Variants in PPM1B observed in about 807,000 individuals in gnomAD.
PPM1B encodes the protein protein phosphatase 1B.
Under a neutral mutation model 43.0 loss-of-function variants are expected in PPM1B, and 22 were observed. The ratio of observed to expected loss-of-function variants is 0.51; its 90% confidence interval spans 0.37 to 0.73. PPM1B has a LOEUF of 0.73. Ranked by LOEUF, PPM1B falls within the 30% of genes least tolerant of loss-of-function variation. The pLI is 0.00. For synonymous variants in PPM1B, 217 were observed against 197.9 expected (o/e 1.10, Z -0.81); for missense variants, 632 against 584.2 (o/e 1.08, Z -0.84).
At chr2:44,180,138 G>A (rs905514256) in intron 1 of PPM1B, among the ~76,000 whole-genome samples, 1 of 152,110 alleles carries the variant, frequency 6.6e-6, no homozygotes, top group African/African-American at 2.4e-5. Flanking sequence ...GTAGGAACAA[G>A]GCAATTGCTT....
chr2:44,210,266 G>T (rs889790969), intron 3 of PPM1B, among the ~76,000 whole-genome samples: 1 of 149,704 alleles, frequency 6.7e-6, no homozygotes, highest in African/African-American at 2.5e-5. Flanking sequence ...GCCTAGGCTG[G>T]AGTACAGTGG....
chr2:44,243,106 A>G (rs920030500), intron 5 of PPM1B, among the ~76,000 whole-genome samples: 4 of 152,196 alleles, frequency 2.6e-5, no homozygotes, highest in Non-Finnish European at 1.5e-5. Context: ...TTCTTACACA[A>G]TAACTTTTTG....
At chr2:44,209,508 G>T (rs553824115) in intron 3 of PPM1B, 181 bp downstream of exon 3, 4 of 659,754 alleles carry the variant, frequency 6.1e-6, no homozygotes, top group African/African-American at 5.5e-5. Flanking sequence ...CTGGTCAGGC[G>T]CAGTGGCTCA....
chr2:44,203,308 A>G (rs1202990270), intron 2 of PPM1B, among the ~76,000 whole-genome samples: 2 of 152,092 alleles, frequency 1.3e-5, no homozygotes, highest in African/African-American at 2.4e-5. Context: ...GAGTTAAGTA[A>G]AGAAGTATTG....
intron 2 of PPM1B, among the ~76,000 whole-genome samples, chr2:44,203,523 A>C (rs938456424): frequency 1.3e-5 from 2 of 152,162 alleles, no homozygotes; most frequent in African/African-American, 4.8e-5. Flanking sequence ...GATGATGAAG[A>C]AAATATAGAG....
rs573078275 is a variant in PPM1B, at chr2:44,241,752, A to C, written n.1547-2476A>C. 1.0e-3 allele frequency among the ~76,000 whole-genome samples: 155 copies of C among 152,126 alleles called. 1 individual carries two copies. Among genetic ancestry groups the C allele is most frequent in the Middle Eastern group, 6.8e-3 (2 of 294 alleles). ...GTCTCAAAACATAAAATGTCTTCAA[A>C]ATGATTATATTATGATTTGGCATAT... On this transcript the variant is annotated intron_variant and non_coding_transcript_variant, in intron 5 of 5. Coordinates refer to the PPM1B transcript ENST00000378540.
Position 44,201,445 on chromosome 2 carries a change from C to A in PPM1B, c.246C>A (p.Asn82Lys), listed in dbSNP as rs563276652. The A allele has an allele frequency of 6.2e-7, 1 of 1,614,118 alleles. No individual in the cohort carries two copies. Among genetic ancestry groups the A allele is most frequent in the Non-Finnish European group, 8.5e-7 (1 of 1,180,024 alleles). The change falls in exon 2 of 6, where the codon AAC becomes AAA. Residue 82 changes from asparagine (N) to lysine (K), a missense_variant. By Grantham distance (94) the Asn-to-Lys change is moderately conservative. Coordinates refer to ENST00000282412, the MANE Select transcript of PPM1B (RefSeq NM_002706.6). The surrounding 1 kb of genome is among the most constrained non-coding windows in gnomAD (Gnocchi z 5.4). ...STHLLEHITT[N>K]EDFRAAGKSG... Reference sequence around the variant, plus strand: ...ATTTATTAGAACACATCACTACTAACGAAGACTTTAGGGCAGCTGGAAAAT... The same window carrying A: ...ATTTATTAGAACACATCACTACTAAAGAAGACTTTAGGGCAGCTGGAAAAT...
chr2:44,231,437 T>G lies in PPM1B; in HGVS notation c.*719T>G. The G allele has an allele frequency of 1.0e-6, 1 of 975,646 alleles. No homozygotes were observed. The highest frequency in any genetic ancestry group is 1.2e-6 in the Non-Finnish European group (1 of 821,008). The allele number at this position is 975,646 out of a possible 1,614,324, so 60.4% of individuals were successfully genotyped here. A position where few individuals can be genotyped will look rare whatever the true frequency, so the allele number is the denominator to read the frequency against. ...TGTTTAGAATGAAATTATAAGTGTT[T>G]AAGTCCAAATAAAGCATGTGATGTG... is the stretch of plus-strand genomic sequence containing the variant. On this transcript the variant is annotated 3_prime_UTR_variant, in exon 6 of 6. Coordinates refer to ENST00000282412, the MANE Select transcript of PPM1B (RefSeq NM_002706.6).
downstream of PPM1B, among the ~76,000 whole-genome samples, chr2:44,238,168 G>C (rs1670668848): frequency 6.6e-6 from 1 of 152,020 alleles, no homozygotes; most frequent in Non-Finnish European, 1.5e-5. Context: ...CTCCTGAAGT[G>C]CTGGGATTCC....
chr2:44,228,849 T>C (rs1192127773), intron 5 of PPM1B, among the ~76,000 whole-genome samples: 4 of 152,180 alleles, frequency 2.6e-5, no homozygotes, highest in Non-Finnish European at 1.5e-5. Context: ...AGACATCATA[T>C]TTTACCTGTA....
In PPM1B at chr2:44,180,321, G is replaced by A. The variant is rs540997641; in HGVS notation, c.-15+11047G>A. ...GGCTACAGGGATAGACTGACTTTGG[G>A]AGTTGGGGATACTCTATGCCCATCA... On this transcript the variant is annotated intron_variant, in intron 1 of 5. Coordinates refer to ENST00000282412, the MANE Select transcript of PPM1B (RefSeq NM_002706.6). Among the ~76,000 whole-genome samples the A allele has an allele frequency of 3.3e-5, 5 of 152,296 alleles. No individual in the cohort carries two copies. In the South Asian group the frequency reaches 1.0e-3, roughly 32 times the overall value.
chr2:44,213,104 CTTTTT>C (rs57890131), intron 3 of PPM1B, among the ~76,000 whole-genome samples: 1 of 131,556 alleles, frequency 7.6e-6, no homozygotes, highest in East Asian at 2.1e-4. Flanking sequence ...TCTTAAGGCC[CTTTTT>C]TTTTTTTTTT....
At chr2:44,207,912 A>T (rs528387263) in intron 2 of PPM1B, among the ~76,000 whole-genome samples, 3 of 120,422 alleles carry the variant, frequency 2.5e-5, no homozygotes, top group South Asian at 2.5e-4. Context: ...TTTTTTGGAG[A>T]CAGTCTCACT....
chr2:44,199,576 C>G (rs1306398950), intron 1 of PPM1B, among the ~76,000 whole-genome samples: 1 of 152,092 alleles, frequency 6.6e-6, no homozygotes, highest in Non-Finnish European at 1.5e-5. Context: ...ATGAAATAGC[C>G]TATACAAGCA....
chr2:44,190,120 T>C (rs1164116750), intron 1 of PPM1B, among the ~76,000 whole-genome samples: 3 of 152,094 alleles, frequency 2.0e-5, no homozygotes, highest in African/African-American at 7.2e-5. Context: ...GACAGATCAT[T>C]ATTTGATACT....
chr2:44,219,077 G>C, intron 5 of PPM1B: 2 of 247,402 alleles, frequency 8.1e-6, no homozygotes, highest in Non-Finnish European at 1.6e-5. Context: ...TACTTCATCA[G>C]AGCAAGACTC....
chr2:44,203,505 A>G (rs1402889736), intron 2 of PPM1B, among the ~76,000 whole-genome samples: 1 of 152,168 alleles, frequency 6.6e-6, no homozygotes, highest in Non-Finnish European at 1.5e-5. Context: ...TATTGGAAAA[A>G]AAATCCAGAT....
At chr2:44,173,958 A>T (rs533166554) in intron 1 of PPM1B, among the ~76,000 whole-genome samples, 1 of 152,296 alleles carries the variant, frequency 6.6e-6, no homozygotes, top group South Asian at 2.1e-4. Flanking sequence ...AAAAATAATA[A>T]TACTCTTTGT....
At chr2:44,203,726 CT>C (rs1291643156) in intron 2 of PPM1B, among the ~76,000 whole-genome samples, 1 of 152,046 alleles carries the variant, frequency 6.6e-6, no homozygotes, top group Non-Finnish European at 1.5e-5. Flanking sequence ...AAGTATTGAT[CT>C]GTATCATTTT....
Sources: gnomAD v4.1 joint callset for allele counts (sites outside exome capture counted in the v4.1 genomes callset) on GRCh38, gnomAD v4.1.1 for gene constraint, Gnocchi (gnomAD v3.1) non-coding constraint, MANE v1.5 for transcripts, NCBI Gene and HGNC (gene_info 2026-07-23, HGNC 2026-07-21) for gene names.